Variants in GABRB1 observed in about 807,000 individuals in gnomAD.
GABRB1 encodes the protein gamma-aminobutyric acid type A receptor subunit beta1.
Under a neutral mutation model 51.6 loss-of-function variants are expected in GABRB1, and 17 were observed. The observed-to-expected ratio is 0.33, with a 90% confidence interval of 0.23 to 0.49. The LOEUF is 0.49. Among genes scored for constraint, GABRB1 ranks in the 20% least tolerant of loss-of-function variants. GABRB1 has a pLI of 0.99. For missense variants in GABRB1, 410 were observed against 600.6 expected (o/e 0.68, Z 3.32); for synonymous variants, 247 against 218.9 (o/e 1.13, Z -1.14).
At chr4:47,414,285 G>T (rs1728847678) in intron 8 of GABRB1, among the ~76,000 whole-genome samples, 2 of 152,128 alleles carry the variant, frequency 1.3e-5, no homozygotes, top group South Asian at 2.1e-4. Flanking sequence ...TGCCCAAGGT[G>T]GTCAGAGCAC....
intron 5 of GABRB1, among the ~76,000 whole-genome samples, chr4:47,402,882 T>C (rs193298672): frequency 1.5e-3 from 232 of 152,342 alleles, no homozygotes; most frequent in African/African-American, 5.2e-3. Flanking sequence ...GGTCTTTCAT[T>C]ACACTTCATC....
At chr4:47,383,188 C>A (rs568182014) in intron 5 of GABRB1, among the ~76,000 whole-genome samples, 5 of 152,172 alleles carry the variant, frequency 3.3e-5, no homozygotes, top group Non-Finnish European at 7.3e-5. Context: ...GCTATCCAAC[C>A]TGATTCTAGA....
chr4:47,168,213 T>A (rs1337025737), intron 4 of GABRB1, among the ~76,000 whole-genome samples: 1 of 152,196 alleles, frequency 6.6e-6, no homozygotes, highest in Admixed American at 6.6e-5. Flanking sequence ...TATTGTCGTA[T>A]GTCATCTTTA....
chr4:47,425,516 A>ATC (rs1729250196), intron 8 of GABRB1, among the ~76,000 whole-genome samples, 158 bp from the exon 9 acceptor site: 60 of 149,550 alleles, frequency 4.0e-4, no homozygotes, highest in African/African-American at 1.1e-3. Flanking sequence ...ATAGATAGAT[A>ATC]GATCGATCGA....
At chr4:47,253,462 T>A (rs1204742624) in intron 4 of GABRB1, among the ~76,000 whole-genome samples, 1 of 152,228 alleles carries the variant, frequency 6.6e-6, no homozygotes, top group African/African-American at 2.4e-5. Context: ...ACTATGGTAA[T>A]TAAACTTTCC....
At chr4:47,414,268 C>T (rs563659770) in intron 8 of GABRB1, among the ~76,000 whole-genome samples, 1 of 152,240 alleles carries the variant, frequency 6.6e-6, no homozygotes, top group South Asian at 2.1e-4. Flanking sequence ...GAGGTCCCGT[C>T]GACATGTGCC....
chr4:47,377,199 A>C (rs1419096062), intron 5 of GABRB1, among the ~76,000 whole-genome samples: 1 of 152,162 alleles, frequency 6.6e-6, no homozygotes, highest in African/African-American at 2.4e-5. Context: ...GCTGGAGTGC[A>C]GTGGCACAAT....
chr4:47,179,499 A>T (rs1313240781), intron 4 of GABRB1, among the ~76,000 whole-genome samples: 1 of 152,116 alleles, frequency 6.6e-6, no homozygotes. Flanking sequence ...TTATTGCAGC[A>T]CTTTTCACAA....
intron 1 of GABRB1, among the ~76,000 whole-genome samples, chr4:47,019,743 C>T (rs1724868642): frequency 1.4e-5 from 2 of 147,012 alleles, no homozygotes; most frequent in African/African-American, 2.5e-5. Context: ...CACGGGCTCT[C>T]ACTTTGTTGC....
At chr4:47,039,973 C>A (rs1725765006) in intron 3 of GABRB1, among the ~76,000 whole-genome samples, 1 of 152,022 alleles carries the variant, frequency 6.6e-6, no homozygotes, top group Admixed American at 6.6e-5. Flanking sequence ...AAAGGATACA[C>A]AAAAGAAAAT....
intron 3 of GABRB1, among the ~76,000 whole-genome samples, chr4:47,151,388 G>A (rs957004050): frequency 6.6e-5 from 10 of 151,926 alleles, no homozygotes; most frequent in Admixed American, 2.6e-4. Flanking sequence ...GCCTTCCAAG[G>A]ATAGAAAATG....
chr4:47,057,970 A>G (rs1726691023), intron 3 of GABRB1, among the ~76,000 whole-genome samples: 1 of 152,224 alleles, frequency 6.6e-6, no homozygotes, highest in African/African-American at 2.4e-5. Flanking sequence ...ACATAGCAGT[A>G]AACAGCCAAA....
At chr4:47,040,499 T>G (rs1476969487) in intron 3 of GABRB1, among the ~76,000 whole-genome samples, 2 of 152,148 alleles carry the variant, frequency 1.3e-5, no homozygotes, top group African/African-American at 2.4e-5. Flanking sequence ...GGTTCCATAT[T>G]AAGTGATTGA....
Position 47,090,127 on chromosome 4 carries a change from A to C in GABRB1, c.240+57643A>C, listed in dbSNP as rs549333533. Among the ~76,000 whole-genome samples, 13 of 152,360 alleles carry C rather than the reference A, an allele frequency of 8.5e-5. No homozygotes were observed. In the East Asian group the frequency reaches 2.5e-3, roughly 29 times the overall value. ...TAAAACAACTACTGTTATGATTAGG[A>C]AAGTTATTAATGCCTTATATTACCT... is the stretch of plus-strand genomic sequence containing the variant. On this transcript the variant is annotated intron_variant, in intron 3 of 8. Transcript: ENST00000295454.
intron 5 of GABRB1, among the ~76,000 whole-genome samples, chr4:47,335,629 T>A (rs1373466954): frequency 6.6e-6 from 1 of 152,210 alleles, no homozygotes; most frequent in African/African-American, 2.4e-5. Flanking sequence ...TTCTGCTACG[T>A]TGATACCAGG....
intron 4 of GABRB1, among the ~76,000 whole-genome samples, chr4:47,300,654 A>G (rs907825582): frequency 6.6e-6 from 1 of 152,068 alleles, no homozygotes; most frequent in Admixed American, 6.6e-5. Context: ...TTGTGGGTAC[A>G]TTGTAGGTGT....
In GABRB1 at chr4:47,356,341, G is replaced by A. The variant is rs116415434; in HGVS notation, c.544+36132G>A. 6.9e-3 allele frequency among the ~76,000 whole-genome samples: 1,044 copies of A among 152,188 alleles called. 11 individuals are homozygous for A. The highest frequency in any genetic ancestry group is 0.024 in the African/African-American group (1,001 of 41,536). Reference sequence around the variant, plus strand: ...TTCATGATACAAAATTTTTCTTCCCGAAAACTTTCAAGTACATGTATTTAG... The same window carrying A: ...TTCATGATACAAAATTTTTCTTCCCAAAAACTTTCAAGTACATGTATTTAG... On this transcript the variant is annotated intron_variant, in intron 5 of 8. Transcript: ENST00000295454.
intron 3 of GABRB1, among the ~76,000 whole-genome samples, chr4:47,076,050 C>T (rs1254824598): frequency 1.3e-5 from 2 of 152,214 alleles, no homozygotes; most frequent in Non-Finnish European, 2.9e-5. Context: ...AAGCCATAAA[C>T]TTGCCCTAAT....
chr4:47,112,272 T>C (rs2109629655), intron 3 of GABRB1, among the ~76,000 whole-genome samples: 1 of 152,296 alleles, frequency 6.6e-6, no homozygotes, highest in Admixed American at 6.5e-5. Context: ...AATCTGATAG[T>C]GAGAAATATT....
Sources: gnomAD v4.1 joint callset for allele counts (sites outside exome capture counted in the v4.1 genomes callset) on GRCh38, gnomAD v4.1.1 for gene constraint, MANE v1.5 for transcripts, NCBI Gene and HGNC (gene_info 2026-07-23, HGNC 2026-07-21) for gene names.